Variants in ANO6 observed in about 807,000 individuals in gnomAD.
ANO6 encodes the protein anoctamin-6.
ANO6 carries 106 observed loss-of-function variants against 117.5 expected under a neutral mutation model. That is an observed-to-expected ratio of 0.90 (90% CI 0.77 to 1.06). The LOEUF (loss-of-function observed/expected upper bound fraction) is 1.06. ANO6 is among the 50% of genes least tolerant of loss of function. ANO6 has a pLI of 0.00. For missense variants in ANO6, 955 were observed against 1,121.1 expected, an observed-to-expected ratio of 0.85 and a Z score of 2.12; for synonymous variants, 367 against 385.1, an observed-to-expected ratio of 0.95 and a Z score of 0.55.
chr12:45,224,968 A>G (rs1478176937), intron 1 of ANO6, among the ~76,000 whole-genome samples: 1 of 152,194 alleles, frequency 6.6e-6, no homozygotes, highest in Non-Finnish European at 1.5e-5. Context: ...AGGTGGGAAT[A>G]TTGCTTGAGC....
intron 1 of ANO6, among the ~76,000 whole-genome samples, chr12:45,231,329 C>T (rs560175766): frequency 1.3e-5 from 2 of 152,104 alleles, no homozygotes; most frequent in African/African-American, 2.4e-5. Flanking sequence ...AAAATAGGTA[C>T]GTGAATTAAT....
intron 8 of ANO6, among the ~76,000 whole-genome samples, chr12:45,358,645 G>A (rs1941473542): frequency 6.6e-6 from 1 of 152,232 alleles, no homozygotes; most frequent in African/African-American, 2.4e-5. Context: ...GGAAGTTCTT[G>A]GGGATATACT....
intron 1 of ANO6, among the ~76,000 whole-genome samples, chr12:45,300,405 C>G (rs929301710): frequency 6.6e-6 from 1 of 152,178 alleles, no homozygotes; most frequent in African/African-American, 2.4e-5. Context: ...TCTCAAACTC[C>G]TGGGCTTGTG....
intron 1 of ANO6, among the ~76,000 whole-genome samples, chr12:45,231,306 C>T (rs57514011): frequency 0.01 from 1,580 of 152,252 alleles, 31 homozygotes; most frequent in African/African-American, 0.036. Context: ...GAAATACTCT[C>T]TATCTAATTT....
intron 1 of ANO6, among the ~76,000 whole-genome samples, chr12:45,291,346 CAAAA>C (rs747924513): frequency 4.1e-5 from 2 of 48,240 alleles, no homozygotes; most frequent in East Asian, 6.6e-4. Context: ...AACTCCGTCT[CAAAA>C]AAAAAAAAAA....
At chr12:45,270,526 TA>T (rs1938361389) in intron 1 of ANO6, 4 of 1,069,164 alleles carry the variant, frequency 3.7e-6, no homozygotes, top group Non-Finnish European at 5.4e-6. Context: ...CCAGCCTGGG[TA>T]AGATCCCCTT....
chr12:45,427,401 G>A (rs539269916), intron 19 of ANO6, among the ~76,000 whole-genome samples: 22 of 152,190 alleles, frequency 1.4e-4, no homozygotes, highest in African/African-American at 5.3e-4. Context: ...GCATTCTGAG[G>A]CTCCTCCAAA....
chr12:45,221,054 G>A (rs569724027), intron 1 of ANO6, among the ~76,000 whole-genome samples: 83 of 144,640 alleles, frequency 5.7e-4, no homozygotes, highest in South Asian at 1.3e-3. Flanking sequence ...GATTGGTGTC[G>A]GAAGTGGGGG....
intron 10 of ANO6, among the ~76,000 whole-genome samples, chr12:45,380,695 T>A (rs958812511): frequency 2.0e-5 from 3 of 152,164 alleles, no homozygotes; most frequent in Non-Finnish European, 4.4e-5. Flanking sequence ...AATAAACGGC[T>A]GGGTGTGGTG....
intron 12 of ANO6, 75 bp from the exon 13 acceptor site, chr12:45,401,720 G>C: frequency 1.7e-6 from 2 of 1,185,986 alleles, no homozygotes; most frequent in Non-Finnish European, 2.5e-6. Context: ...ACCTTGTTAA[G>C]TGTGAGTTCA....
At chr12:45,241,727 T>C (rs1305811908) in intron 1 of ANO6, among the ~76,000 whole-genome samples, 2 of 152,220 alleles carry the variant, frequency 1.3e-5, no homozygotes, top group African/African-American at 2.4e-5. Flanking sequence ...GACCTACAGA[T>C]GGGATTTTGG....
rs557449142 is a variant in ANO6 at position 45,329,700 on chromosome 12, G to A, written c.151-1595G>A. Among the ~76,000 whole-genome samples, 10 of 152,084 alleles carry A rather than the reference G, an allele frequency of 6.6e-5. No individual in the cohort carries two copies. The East Asian group carries it at 1.5e-3, about 24-fold the overall frequency. On this transcript the variant is annotated intron_variant, in intron 2 of 19. Coordinates refer to ENST00000320560, the MANE Select transcript of ANO6 (RefSeq NM_001025356.3). ...TTCAGATGTTTGCAATGATGACCAG[G>A]TTTTCCTGACTATATTCCACTGGAC...
At chr12:45,428,752 G>T (rs905854834) in intron 19 of ANO6, among the ~76,000 whole-genome samples, 1 of 152,180 alleles carries the variant, frequency 6.6e-6, no homozygotes. Flanking sequence ...TTGGAGAAGT[G>T]CAAGGCCATT....
chr12:45,289,164 T>C (rs1939014758), intron 1 of ANO6, among the ~76,000 whole-genome samples: 1 of 121,434 alleles, frequency 8.2e-6, no homozygotes, highest in Admixed American at 1.2e-4. Context: ...TTTATTATTA[T>C]TATTACTTTT....
chr12:45,270,834 C>G (rs1938372593), intron 1 of ANO6, among the ~76,000 whole-genome samples: 1 of 152,126 alleles, frequency 6.6e-6, no homozygotes, highest in South Asian at 2.1e-4. Flanking sequence ...TCACTGCAAC[C>G]TCTGCTTCCC....
intron 3 of ANO6, among the ~76,000 whole-genome samples, chr12:45,334,022 T>G (rs909454963): frequency 9.9e-5 from 15 of 152,062 alleles, no homozygotes; most frequent in Non-Finnish European, 1.9e-4. Flanking sequence ...ACATAGAGTA[T>G]TTAAAAGGAT....
intron 10 of ANO6, among the ~76,000 whole-genome samples, chr12:45,382,635 T>C (rs1293122880): frequency 1.3e-5 from 2 of 152,122 alleles, no homozygotes; most frequent in Admixed American, 6.5e-5. Context: ...GTGGGTAAGG[T>C]TCCAGACCAC....
intron 19 of ANO6, among the ~76,000 whole-genome samples, chr12:45,427,012 G>A (rs1057337291): frequency 1.3e-5 from 2 of 151,600 alleles, no homozygotes; most frequent in Non-Finnish European, 2.9e-5. Flanking sequence ...CACTCCAAAT[G>A]TTCTCCTCCC....
At position 45,281,494 on chromosome 12, in the gene ANO6, G is replaced by A. The variant is rs143910118; in HGVS notation, c.71-20520G>A. ...AGGGAGCTTACAATCATGGCGGAAG[G>A]CGAAGGGGAGGCAGCATGTCCCATA... is the stretch of plus-strand genomic sequence containing the variant. On this transcript the variant is annotated intron_variant, in intron 1 of 19. Coordinates refer to ENST00000320560, the MANE Select transcript of ANO6 (RefSeq NM_001025356.3). Among the ~76,000 whole-genome samples, 10 of 152,312 alleles carry A rather than the reference G, an allele frequency of 6.6e-5. No individual in the cohort carries two copies. The East Asian group carries it at 1.9e-3, about 29-fold the overall frequency.
Sources: gnomAD v4.1 joint callset for allele counts (sites outside exome capture counted in the v4.1 genomes callset) on GRCh38, gnomAD v4.1.1 for gene constraint, MANE v1.5 for transcripts, NCBI Gene and HGNC (gene_info 2026-07-23, HGNC 2026-07-21) for gene names.